The following CNOT6 variants were observed in gnomAD, a reference collection of about 807,000 sequenced individuals.
CNOT6 encodes the protein carbon catabolite repression 4 protein.
In CNOT6, 12 loss-of-function variants were observed where a neutral mutation model predicts 61.2. The ratio of observed to expected loss-of-function variants is 0.20; its 90% CI spans 0.13 to 0.32. The LOEUF (loss-of-function observed/expected upper bound fraction) is 0.32, where lower values mean the gene tolerates loss of function less well. CNOT6 is among the 10% of genes least tolerant of loss of function. The pLI, the probability that CNOT6 is intolerant of heterozygous loss-of-function variation, is 1.00. For missense variants in CNOT6, 405 were observed against 663.9 expected (o/e 0.61, Z 4.28); for synonymous variants, 225 against 240.6 (o/e 0.94, Z 0.60).
chr5:180,565,893 A>C lies in CNOT6; in HGVS notation c.633A>C (p.Pro211=). The change falls in exon 7 of 12, where the codon CCA becomes CCC. Residue 211 remains proline, a synonymous_variant. Transcript: ENST00000261951. The part of the protein sequence containing the change: ...YATRQLYGYC[P]SWALNWDYRK... Reference sequence around the variant, plus strand: ...CCCGGCAGTTATACGGCTACTGTCCATCATGGGCGCTAAACTGGGACTACA... The same window carrying C: ...CCCGGCAGTTATACGGCTACTGTCCCTCATGGGCGCTAAACTGGGACTACA... 4 of 1,613,988 alleles carry C rather than the reference A, an allele frequency of 2.5e-6. No individual in the cohort carries two copies. The highest frequency in any genetic ancestry group is 3.4e-6 in the Non-Finnish European group (4 of 1,179,894).
At chr5:180,563,164 A>G (rs1280955442) in intron 4 of CNOT6, among the ~76,000 whole-genome samples, 1 of 152,110 alleles carries the variant, frequency 6.6e-6, no homozygotes. Flanking sequence ...TGTCTCAAAT[A>G]GTTAACAGTG....
chr5:180,541,469 T>TTTTTTTG (rs1759036632), intron 2 of CNOT6, among the ~76,000 whole-genome samples: 11 of 144,336 alleles, frequency 7.6e-5, no homozygotes, highest in Non-Finnish European at 1.4e-4. Flanking sequence ...TTTTTTTTTT[T>TTTTTTTG]GAGACAGAGT....
intron 11 of CNOT6, among the ~76,000 whole-genome samples, chr5:180,573,626 C>T (rs1760875150): frequency 7.0e-6 from 1 of 142,694 alleles, no homozygotes; most frequent in African/African-American, 2.6e-5. Context: ...CGTCCTGGGG[C>T]AGGAAAGAAC....
intron 8 of CNOT6, 137 bp from the exon 9 acceptor site, chr5:180,567,712 C>T (rs951542164): frequency 1.8e-5 from 20 of 1,102,086 alleles, no homozygotes; most frequent in Non-Finnish European, 2.2e-5. Context: ...TGATGCTGAA[C>T]GTGGAGGATT....
At chr5:180,571,913 C>A (rs544293070) in intron 11 of CNOT6, among the ~76,000 whole-genome samples, 43 of 152,210 alleles carry the variant, frequency 2.8e-4, no homozygotes, top group African/African-American at 1.0e-3. Context: ...ATCAGTGTCA[C>A]ATCCTTACTT....
intron 7 of CNOT6, among the ~76,000 whole-genome samples, chr5:180,566,799 T>C (rs1760486724): frequency 6.6e-6 from 1 of 151,782 alleles, no homozygotes; most frequent in South Asian, 2.1e-4. Flanking sequence ...ATTACAGGCA[T>C]GCACCACCAT....
At chr5:180,536,412 A>T (rs189580115) in intron 2 of CNOT6, among the ~76,000 whole-genome samples, 1 of 152,018 alleles carries the variant, frequency 6.6e-6, no homozygotes, top group Admixed American at 6.5e-5. Flanking sequence ...AATTATCATT[A>T]TTATTATTTT....
At chr5:180,548,723 G>A (rs1004673401) in intron 2 of CNOT6, among the ~76,000 whole-genome samples, 5 of 152,172 alleles carry the variant, frequency 3.3e-5, no homozygotes, top group Non-Finnish European at 7.3e-5. Flanking sequence ...TATCTGATAC[G>A]ATGGTTGTCA....
chr5:180,498,071 CTG>C (rs1756696208), intron 1 of CNOT6, among the ~76,000 whole-genome samples: 1 of 151,364 alleles, frequency 6.6e-6, no homozygotes, highest in Non-Finnish European at 1.5e-5. Context: ...GCTGAGTAAA[CTG>C]TAAACATATA....
intron 1 of CNOT6, among the ~76,000 whole-genome samples, chr5:180,516,182 AT>A (rs11309577): frequency 0.44 from 59,992 of 137,798 alleles, 13,610 homozygotes; most frequent in Non-Finnish European, 0.55. Flanking sequence ...AAAATTCAGG[AT>A]TTTTTTTTTT....
At chr5:180,520,668 T>C (rs1757841965) in intron 1 of CNOT6, among the ~76,000 whole-genome samples, 1 of 151,988 alleles carries the variant, frequency 6.6e-6, no homozygotes, top group African/African-American at 2.4e-5. Flanking sequence ...GTGCCGCTTA[T>C]TTATATAGGC....
chr5:180,531,287 C>A (rs116305157), intron 2 of CNOT6, among the ~76,000 whole-genome samples: 1 of 148,970 alleles, frequency 6.7e-6, no homozygotes. Flanking sequence ...CGGTCAGAGA[C>A]GCTTCTCACC....
intron 1 of CNOT6, among the ~76,000 whole-genome samples, chr5:180,521,034 A>G (rs1757858859): frequency 6.6e-6 from 1 of 151,874 alleles, no homozygotes; most frequent in South Asian, 2.1e-4. Flanking sequence ...TGGTAGAGAC[A>G]GGGTTTCATC....
chr5:180,538,515 G>A (rs995131114), intron 2 of CNOT6, among the ~76,000 whole-genome samples: 4 of 151,038 alleles, frequency 2.6e-5, no homozygotes, highest in African/African-American at 7.3e-5. Context: ...GTGAACCTCC[G>A]TCTCTACTAA....
intron 1 of CNOT6, among the ~76,000 whole-genome samples, chr5:180,505,325 G>A (rs539574031): frequency 9.5e-5 from 11 of 115,712 alleles, no homozygotes; most frequent in East Asian, 4.8e-4. Context: ...GCGCGATCTC[G>A]GCTCACTGCA....
intron 1 of CNOT6, among the ~76,000 whole-genome samples, chr5:180,503,453 C>T (rs1371403430): frequency 2.7e-5 from 4 of 150,920 alleles, no homozygotes; most frequent in South Asian, 2.1e-4. Flanking sequence ...TTGGTAGAGA[C>T]GGGGTTTTGC....
chr5:180,516,062 C>G (rs530831270), intron 1 of CNOT6, among the ~76,000 whole-genome samples: 2 of 152,198 alleles, frequency 1.3e-5, no homozygotes, highest in African/African-American at 4.8e-5. Context: ...AGGCACACAC[C>G]ACCACGCCTG....
At chr5:180,514,873 A>G (rs1220639038) in intron 1 of CNOT6, among the ~76,000 whole-genome samples, 3 of 147,460 alleles carry the variant, frequency 2.0e-5, no homozygotes, top group Non-Finnish European at 4.4e-5. Context: ...GGTTGTGAAG[A>G]AAAAAATAGA....
chr5:180,566,031 G>A, intron 7 of CNOT6, 54 bp downstream of exon 7: 3 of 1,502,322 alleles, frequency 2.0e-6, no homozygotes, highest in Non-Finnish European at 1.8e-6. Context: ...GGAGCAACTA[G>A]GAATACATTA....
Sources: gnomAD v4.1 joint callset for allele counts (sites outside exome capture counted in the v4.1 genomes callset) on GRCh38, gnomAD v4.1.1 for gene constraint, MANE v1.5 for transcripts, NCBI Gene and HGNC (gene_info 2026-07-23, HGNC 2026-07-21) for gene names.